The following ARL8B variants were observed in gnomAD, a reference collection of about 807,000 sequenced individuals.
The protein encoded by ARL8B is ARF like GTPase 8B, also known as ADP-ribosylation factor-like protein 8B.
Under a neutral mutation model 30.6 loss-of-function variants are expected in ARL8B, and 9 were observed. That is an observed-to-expected ratio of 0.29 (90% CI 0.18 to 0.51). The LOEUF (loss-of-function observed/expected upper bound fraction) is 0.51, where lower values mean the gene tolerates loss of function less well. Among genes scored for constraint, ARL8B ranks in the 20% least tolerant of loss-of-function variants. The pLI, the probability that ARL8B is intolerant of heterozygous loss-of-function variation, is 0.97. For missense variants in ARL8B, 130 were observed against 227.2 expected, an observed-to-expected ratio of 0.57 and a Z score of 2.75; for synonymous variants, 74 against 76.0, an observed-to-expected ratio of 0.97 and a Z score of 0.14.
rs754573110 is a variant in ARL8B, at chr3:5,170,633, A to G, written c.204+50A>G. 3 of 1,394,584 alleles carry G rather than the reference A, an allele frequency of 2.2e-6. No individual in the cohort carries two copies. The Admixed American group carries it at 6.1e-5, about 29-fold the overall frequency. 86.4% of individuals were successfully genotyped at this position (1,394,584 alleles called of 1,614,324 possible). A position where few individuals can be genotyped will look rare whatever the true frequency, so the allele number is the denominator to read the frequency against. On this transcript the variant is annotated intron_variant, in intron 2 of 6. Transcript: ENST00000256496. ...ATTTAAATTGTTAGCACAGACCCCT[A>G]GAAATTTTTCTGTTAAATTTCTGTG...
intron 1 of ARL8B, among the ~76,000 whole-genome samples, chr3:5,124,219 A>G (rs1221501925): frequency 6.7e-6 from 1 of 149,872 alleles, no homozygotes; most frequent in Non-Finnish European, 1.5e-5. Flanking sequence ...ATCTTTCCGC[A>G]GGAATAGAAG....
At chr3:5,167,892 G>A (rs934475530) in intron 1 of ARL8B, among the ~76,000 whole-genome samples, 15 of 152,120 alleles carry the variant, frequency 9.9e-5, no homozygotes, top group Non-Finnish European at 1.5e-5. Flanking sequence ...CAACTGAGTG[G>A]TTATAGTTGT....
chr3:5,178,043 ACT>A (rs2054745343), intron 6 of ARL8B, among the ~76,000 whole-genome samples: 2 of 151,972 alleles, frequency 1.3e-5, no homozygotes, highest in African/African-American at 4.8e-5. Flanking sequence ...CTTCTGATAG[ACT>A]CTCATGTACC....
chr3:5,123,291 G>A (rs77454822), intron 1 of ARL8B, among the ~76,000 whole-genome samples: 6,709 of 152,290 alleles, frequency 0.044, 221 homozygotes, highest in South Asian at 0.11. Flanking sequence ...TGCGAAAGAG[G>A]AGTTGGTCTT....
intron 1 of ARL8B, among the ~76,000 whole-genome samples, chr3:5,131,113 A>T (rs1203047739): frequency 6.6e-6 from 1 of 151,964 alleles, no homozygotes; most frequent in Non-Finnish European, 1.5e-5. Context: ...AGGTTTCACC[A>T]TGTGGGCCAG....
intron 1 of ARL8B, among the ~76,000 whole-genome samples, chr3:5,152,502 C>T (rs188768264): frequency 6.6e-6 from 1 of 152,162 alleles, no homozygotes; most frequent in Non-Finnish European, 1.5e-5. Flanking sequence ...CTTCTTTCCT[C>T]TTTTCTTTCT....
Position 5,165,552 on chromosome 3 carries a change from T to G in ARL8B, c.124-4951T>G, listed in dbSNP as rs80057264. On this transcript the variant is annotated intron_variant, in intron 1 of 6. Transcript: ENST00000256496. ...TCTGTTTAGCATGTGAAAAGTAGCT[T>G]CTTCTGTACTGTACCAAAGGAAAAA... Among the ~76,000 whole-genome samples, 1,038 of 152,254 alleles carry G rather than the reference T, an allele frequency of 6.8e-3. 12 individuals carry two copies. Among genetic ancestry groups the G allele is most frequent in the African/African-American group, 0.024 (979 of 41,526 alleles).
Position 5,128,992 on chromosome 3 carries a change from C to G in ARL8B, c.123+6404C>G, listed in dbSNP as rs1195432834. Among the ~76,000 whole-genome samples, 3 of 144,586 alleles carry G rather than the reference C, an allele frequency of 2.1e-5. No individual in the cohort carries two copies. The East Asian group carries it at 6.0e-4, about 29-fold the overall frequency. 94.9% of individuals were successfully genotyped at this position (144,586 alleles called of 152,430 possible). A position where few individuals can be genotyped will look rare whatever the true frequency, so the allele number is the denominator to read the frequency against. On this transcript the variant is annotated intron_variant, in intron 1 of 6. Coordinates refer to ENST00000256496, the MANE Select transcript of ARL8B (RefSeq NM_018184.3). ...TATGCCATAACATATTTGGTAATTC[C>G]CTTATTGGACATTTGAGGGATTTTT...
At chr3:5,158,945 G>T in intron 1 of ARL8B, among the ~76,000 whole-genome samples, 1 of 152,106 alleles carries the variant, frequency 6.6e-6, no homozygotes, top group East Asian at 1.9e-4. Flanking sequence ...TCCTCCGTAA[G>T]GGATTTATTT....
intron 2 of ARL8B, 141 bp downstream of exon 2, chr3:5,170,724 G>C: frequency 1.7e-6 from 1 of 589,796 alleles, no homozygotes; most frequent in Non-Finnish European, 2.9e-6. Context: ...AGGTTTTTTT[G>C]TTGTTGTTTT....
intron 1 of ARL8B, among the ~76,000 whole-genome samples, chr3:5,161,614 A>G (rs755764285): frequency 6.6e-6 from 1 of 152,200 alleles, no homozygotes; most frequent in Non-Finnish European, 1.5e-5. Flanking sequence ...GTAAGGAGAA[A>G]GGAGACAACA....
chr3:5,135,687 G>C (rs2054318322), intron 1 of ARL8B, among the ~76,000 whole-genome samples: 1 of 151,722 alleles, frequency 6.6e-6, no homozygotes, highest in Non-Finnish European at 1.5e-5. Flanking sequence ...TCAAACTCCT[G>C]ACGTTGTGAT....
In ARL8B at chr3:5,179,717, A is replaced by T. The variant is rs2054762013; in HGVS notation, c.*1004A>T. On this transcript the variant is annotated 3_prime_UTR_variant, in exon 7 of 7. Transcript: ENST00000256496. Reference sequence around the variant, plus strand: ...AAAAGATACTTATAAACAAATAAAAAATTTTTATTTTTCTCTCTTACTGAT... The same window carrying T: ...AAAAGATACTTATAAACAAATAAAATATTTTTATTTTTCTCTCTTACTGAT... 2 of 152,508 alleles carry T rather than the reference A, an allele frequency of 1.3e-5. No homozygotes were observed. The highest frequency in any genetic ancestry group is 4.1e-4 in the South Asian group (2 of 4,834). The allele number at this position is 152,508 out of a possible 1,614,324, so 9.4% of individuals were successfully genotyped here.
intron 1 of ARL8B, among the ~76,000 whole-genome samples, chr3:5,134,915 T>C (rs2054311937): frequency 6.6e-6 from 1 of 152,228 alleles, no homozygotes; most frequent in South Asian, 2.1e-4. Context: ...TGGCATGATC[T>C]CAGCTCACTG....
At chr3:5,176,166 T>C (rs1161743466) in intron 6 of ARL8B, among the ~76,000 whole-genome samples, 6 of 152,240 alleles carry the variant, frequency 3.9e-5, no homozygotes, top group Admixed American at 3.9e-4. Context: ...ATTTTTTCTT[T>C]AGCTTTTGTA....
At position 5,180,892 on chromosome 3, in the gene ARL8B, A is replaced by G. The variant is rs2054772601; in HGVS notation, c.*2179A>G. The G allele has an allele frequency of 6.6e-6, 1 of 152,520 alleles. No individual in the cohort carries two copies. Among genetic ancestry groups the G allele is most frequent in the African/African-American group, 2.4e-5 (1 of 41,452 alleles). 9.4% of individuals were successfully genotyped at this position (152,520 alleles called of 1,614,324 possible). On this transcript the variant is annotated 3_prime_UTR_variant, in exon 7 of 7. Coordinates refer to ENST00000256496, the MANE Select transcript of ARL8B (RefSeq NM_018184.3). ...GGTCTGTGGGCTAGTTAAAATAGAA[A>G]TAAACTTTTAAAATATCCACAGAAT... is the stretch of plus-strand genomic sequence containing the variant.
intron 1 of ARL8B, among the ~76,000 whole-genome samples, chr3:5,167,524 G>A (rs1217475311): frequency 2.0e-5 from 3 of 152,138 alleles, no homozygotes; most frequent in Non-Finnish European, 2.9e-5. Context: ...AGGATAAGGA[G>A]GGACTACTTA....
chr3:5,137,190 G>T (rs956778995), intron 1 of ARL8B, among the ~76,000 whole-genome samples: 1 of 152,078 alleles, frequency 6.6e-6, no homozygotes, highest in African/African-American at 2.4e-5. Context: ...CTTGCCCCAT[G>T]AGCTCATGGT....
intron 4 of ARL8B, 138 bp downstream of exon 4, chr3:5,172,878 T>A (rs1415942652): frequency 1.7e-6 from 1 of 604,526 alleles, no homozygotes; most frequent in Non-Finnish European, 2.9e-6. Context: ...GCTTACCATG[T>A]ATCTGCCATA....
Sources: allele counts gnomAD v4.1 joint callset (sites outside exome capture counted in the v4.1 genomes callset), GRCh38; gene constraint gnomAD v4.1.1; transcripts MANE v1.5; gene names NCBI Gene and HGNC (gene_info 2026-07-23, HGNC 2026-07-21).